ASIC4: variants seen among roughly 807,000 people sequenced by gnomAD.
ASIC4 encodes the protein acid sensing ion channel subunit family member 4.
In ASIC4, 28 loss-of-function variants were observed where a neutral mutation model predicts 53.4. That is an observed-to-expected ratio of 0.52 (90% confidence interval 0.39 to 0.72). The LOEUF (loss-of-function observed/expected upper bound fraction) is 0.72, where lower values mean the gene tolerates loss of function less well. Among genes scored for constraint, ASIC4 ranks in the 30% least tolerant of loss-of-function variants. ASIC4 has a pLI of 0.00. For missense variants in ASIC4, 649 were observed against 729.7 expected, an observed-to-expected ratio of 0.89 and a Z score of 1.27; for synonymous variants, 289 against 301.4, an observed-to-expected ratio of 0.96 and a Z score of 0.43.
rs1695182010 is a variant in ASIC4, at chr2:219,538,262, C to T, written c.*216C>T. On this transcript the variant is annotated 3_prime_UTR_variant, in exon 10 of 10. Transcript: ENST00000358078. Reference sequence around the variant, plus strand: ...TCCCCAGGCTGGTGCCCCGGGAGGGCTGGAGACCAGGCCATGGGCCCTCAC... The same window carrying T: ...TCCCCAGGCTGGTGCCCCGGGAGGGTTGGAGACCAGGCCATGGGCCCTCAC... The T allele has an allele frequency of 8.7e-6, 5 of 571,704 alleles. No homozygotes were observed. Among genetic ancestry groups the T allele is most frequent in the Non-Finnish European group, 1.2e-5 (4 of 321,770 alleles). The allele number at this position is 571,704 out of a possible 1,614,324, so 35.4% of individuals were successfully genotyped here. A position where few individuals can be genotyped will look rare whatever the true frequency, so the allele number is the denominator to read the frequency against.
In ASIC4 at chr2:219,514,603, C is replaced by T. The variant is rs375184548; in HGVS notation, c.-122C>T. 5.4e-5 allele frequency: 87 copies of T among 1,600,564 alleles called. No individual in the cohort carries two copies. The highest frequency in any genetic ancestry group is 1.1e-4 in the African/African-American group (8 of 74,696). On this transcript the variant is annotated 5_prime_UTR_variant, in exon 1 of 10. Transcript: ENST00000358078. ...CCCCACCCTGTCCCTGTCCTCTTCC[C>T]GCTTGCCCTGAGTTTAGAAGAGCAG...
rs1055348222 is a variant in ASIC4 at position 219,518,750 on chromosome 2, T to C, written c.582+3444T>C. On this transcript the variant is annotated intron_variant, in intron 1 of 9. Coordinates refer to ENST00000358078, the MANE Select transcript of ASIC4 (RefSeq NM_018674.6). This position sits in a 1 kb window ranked among gnomAD's most constrained non-coding sequence, Gnocchi z 4.8. ...CAGAAATCACTCTTTCTCCCTAGGC[T>C]TCATTTCTTGAGCTGTAAAATGCAA... Among the ~76,000 whole-genome samples the C allele has an allele frequency of 6.6e-6, 1 of 152,174 alleles. No homozygotes were observed. The highest frequency in any genetic ancestry group is 1.5e-5 in the Non-Finnish European group (1 of 68,024).
In ASIC4 at chr2:219,537,385, C is replaced by T. The variant is rs1388391325; in HGVS notation, c.1401+64C>T. ...GTGGGCAAAGCAGAAGGGGGCAGTG[C>T]GGGGTGCCTGGTGGAGCTGGCCTGG... On this transcript the variant is annotated intron_variant, in intron 8 of 9. Transcript: ENST00000358078. This position sits in a 1 kb window ranked among gnomAD's most constrained non-coding sequence, Gnocchi z 4.9. 1.1e-5 allele frequency: 17 copies of T among 1,526,166 alleles called. No individual in the cohort carries two copies. The highest frequency in any genetic ancestry group is 3.8e-5 in the Admixed American group (2 of 52,450). 94.5% of individuals were successfully genotyped at this position (1,526,166 alleles called of 1,614,324 possible).
upstream of ASIC4, chr2:219,514,032 T>G: frequency 2.6e-6 from 1 of 383,662 alleles, no homozygotes; most frequent in Non-Finnish European, 4.6e-6. Flanking sequence ...GAGTCAGGAG[T>G]CTCAGAGGCC....
upstream of ASIC4, chr2:219,514,286 C>A (rs952130026): frequency 2.7e-6 from 4 of 1,473,520 alleles, no homozygotes; most frequent in Non-Finnish European, 9.0e-7. Flanking sequence ...CCCGTGCTGC[C>A]GGTGAAACGC....
intron 1 of ASIC4, among the ~76,000 whole-genome samples, chr2:219,524,039 T>C (rs1385208601): frequency 6.6e-6 from 1 of 152,150 alleles, no homozygotes; most frequent in Non-Finnish European, 1.5e-5. Flanking sequence ...CCTAGATTGG[T>C]CTCAAATTCT....
chr2:219,535,148 T>C, intron 5 of ASIC4, 23 bp from the exon 6 acceptor site: 7 of 1,602,302 alleles, frequency 4.4e-6, no homozygotes, highest in Non-Finnish European at 6.0e-6. Flanking sequence ...ACTCCCACTG[T>C]AGCTGCTACC....
chr2:219,509,949 A>G (rs1242851495), upstream of ASIC4, among the ~76,000 whole-genome samples: 1 of 151,238 alleles, frequency 6.6e-6, no homozygotes, highest in Non-Finnish European at 1.5e-5. The surrounding 1 kb of genome is among the most constrained non-coding windows in gnomAD (Gnocchi z 5.2). Flanking sequence ...CCCGTTCTCG[A>G]TCCTCGGTAG....
rs770706430 is a variant in ASIC4 at position 219,514,995 on chromosome 2, G to A, written c.271G>A (p.Gly91Ser). The A allele has an allele frequency of 1.7e-5, 27 of 1,613,218 alleles. No individual in the cohort carries two copies. The South Asian group carries it at 2.3e-4, about 14-fold the overall frequency. ...GTACCAGGCGGCTGGCCTGGCCCGG[G>A]GCTACCTGACCCGGCCTCACCTGGT... is the stretch of plus-strand genomic sequence containing the variant. Reference protein sequence around the residue: ...FLYQAAGLARGYLTRPHLVAM... With the variant: ...FLYQAAGLARSYLTRPHLVAM... Residue 91 changes from glycine (G) to serine (S), a missense_variant, in exon 1 of 10, where the codon GGC becomes AGC. Physicochemically the swap from Gly to Ser is moderately conservative, Grantham distance 56. Coordinates refer to ENST00000358078, the MANE Select transcript of ASIC4 (RefSeq NM_018674.6).
chr2:219,511,887 C>G (rs1018271629), upstream of ASIC4, among the ~76,000 whole-genome samples: 1 of 148,846 alleles, frequency 6.7e-6, no homozygotes, highest in Non-Finnish European at 1.5e-5. The surrounding 1 kb of genome is among the most constrained non-coding windows in gnomAD (Gnocchi z 5.3). Flanking sequence ...GGGAGGCAGG[C>G]AGGGAAGCGG....
intron 1 of ASIC4, among the ~76,000 whole-genome samples, chr2:219,522,032 G>A (rs960964982): frequency 3.3e-5 from 5 of 152,312 alleles, no homozygotes; most frequent in African/African-American, 1.2e-4. Context: ...AGGTGGGCAG[G>A]GGTCTGCACT....
chr2:219,530,875 G>C (rs1415176971), intron 1 of ASIC4, among the ~76,000 whole-genome samples: 1 of 152,220 alleles, frequency 6.6e-6, no homozygotes, highest in Admixed American at 6.5e-5. Flanking sequence ...GAAATGGGAA[G>C]CTATTGTTGG....
At chr2:219,519,388 A>G (rs12478801) in intron 1 of ASIC4, among the ~76,000 whole-genome samples, 44,537 of 152,152 alleles carry the variant, frequency 0.29, 7,264 homozygotes, top group African/African-American at 0.44. Flanking sequence ...ATGTGCTGGC[A>G]TCTTCATTAC....
Position 219,535,384 on chromosome 2 carries a change from G to T in ASIC4, c.1229+60G>T, listed in dbSNP as rs907805496. The T allele has an allele frequency of 2.0e-6, 3 of 1,495,248 alleles. No individual in the cohort carries two copies. The African/African-American group carries it at 4.2e-5, about 21-fold the overall frequency. 92.6% of individuals were successfully genotyped at this position (1,495,248 alleles called of 1,614,324 possible). ...ACTCTGTGTGTACGTGTGTGTGGGG[G>T]GTGGCTGTGTGACTCTGTGTGTACG... On this transcript the variant is annotated intron_variant, in intron 6 of 9. Coordinates refer to ENST00000358078, the MANE Select transcript of ASIC4 (RefSeq NM_018674.6).
chr2:219,523,245 TG>T (rs1444546536), intron 1 of ASIC4, among the ~76,000 whole-genome samples: 3 of 152,146 alleles, frequency 2.0e-5, no homozygotes, highest in African/African-American at 7.2e-5. Context: ...CTTTCTAGGG[TG>T]TAAGGCCTAA....
chr2:219,531,896 G>C lies in ASIC4; in HGVS notation c.721G>C (p.Glu241Gln). 6.2e-7 allele frequency: 1 copy of C among 1,611,512 alleles called. No homozygotes were observed. The highest frequency in any genetic ancestry group is 1.7e-5 in the Admixed American group (1 of 59,868). ...GGAGGAGTACCTGCCCATCTGGAGGGAGACAAGTACGCAGGCCGGAAAGGG... is the reference window on the plus strand; with the variant it reads ...GGAGGAGTACCTGCCCATCTGGAGGCAGACAAGTACGCAGGCCGGAAAGGG... ...QQEEYLPIWR[E>Q]TNETSFEAGI... Residue 241 changes from glutamate (E) to glutamine (Q), a missense_variant, in exon 2 of 10, where the codon GAG (glutamate) becomes CAG (glutamine). Glu to Gln is a conservative substitution (Grantham distance 29, BLOSUM62 2). Transcript: ENST00000358078.
chr2:219,529,408 T>A (rs760315550), intron 1 of ASIC4, among the ~76,000 whole-genome samples: 2 of 151,788 alleles, frequency 1.3e-5, no homozygotes. Flanking sequence ...AGGAAAGGAA[T>A]TGAAGAGAAG....
intron 5 of ASIC4, chr2:219,533,279 G>T (rs1326914561): frequency 1.6e-5 from 7 of 432,296 alleles, no homozygotes; most frequent in Non-Finnish European, 3.0e-5. Flanking sequence ...TGCATTGCTG[G>T]CTATCGGTGT....
In ASIC4 at chr2:219,538,330, C is replaced by A; in HGVS notation, c.*284C>A. On this transcript the variant is annotated 3_prime_UTR_variant, in exon 10 of 10. Transcript: ENST00000358078. ...AGGAGAGGGAGGGGGAGGATAGAGC[C>A]CATCCCAGCCGGGGAGGGGGAGCCC... The A allele has an allele frequency of 2.6e-6, 1 of 381,176 alleles. No homozygotes were observed. The highest frequency in any genetic ancestry group is 4.7e-6 in the Non-Finnish European group (1 of 211,222). 23.6% of individuals were successfully genotyped at this position (381,176 alleles called of 1,614,324 possible).
Sources: gnomAD v4.1 joint callset for allele counts (sites outside exome capture counted in the v4.1 genomes callset) on GRCh38, gnomAD v4.1.1 for gene constraint, Gnocchi (gnomAD v3.1) non-coding constraint, MANE v1.5 for transcripts, NCBI Gene and HGNC (gene_info 2026-07-23, HGNC 2026-07-21) for gene names.